Variants in NIM1K observed in about 807,000 individuals in gnomAD.
The protein encoded by NIM1K is serine/threonine-protein kinase NIM1.
NIM1K carries 35 observed loss-of-function variants against 37.1 expected under a neutral mutation model. The observed-to-expected ratio is 0.94, with a 90% confidence interval of 0.72 to 1.25. The LOEUF is 1.25. Ranked by LOEUF, NIM1K falls within the 50% of genes most tolerant of loss-of-function variation. NIM1K has a pLI of 0.00. For missense variants in NIM1K, 564 were observed against 548.0 expected, an observed-to-expected ratio of 1.03 and a Z score of -0.29; for synonymous variants, 234 against 206.6, an observed-to-expected ratio of 1.13 and a Z score of -1.14.
chr5:43,244,077 T>C (rs560387659), intron 1 of NIM1K, among the ~76,000 whole-genome samples: 27 of 152,302 alleles, frequency 1.8e-4, no homozygotes, highest in African/African-American at 6.3e-4. Context: ...TTATTTATGT[T>C]TATTTGGCAA....
At chr5:43,269,353 C>T (rs1003557859) in intron 2 of NIM1K, among the ~76,000 whole-genome samples, 1 of 149,254 alleles carries the variant, frequency 6.7e-6, no homozygotes, top group Non-Finnish European at 1.5e-5. Flanking sequence ...TCCTGCTAGC[C>T]TTTGGTTTCC....
At chr5:43,231,536 A>AT (rs35657441) in intron 1 of NIM1K, among the ~76,000 whole-genome samples, 57,199 of 151,912 alleles carry the variant, frequency 0.38, 11,460 homozygotes, top group Non-Finnish European at 0.43. Flanking sequence ...ATATATGAAG[A>AT]TTTTTTAAAA....
At chr5:43,206,370 C>T (rs981695398) in intron 1 of NIM1K, among the ~76,000 whole-genome samples, 4 of 140,126 alleles carry the variant, frequency 2.9e-5, no homozygotes, top group Admixed American at 7.3e-5. Context: ...AGGGGTGGTG[C>T]GTTCCTGTAG....
chr5:43,217,424 G>A (rs1752315449), intron 1 of NIM1K, among the ~76,000 whole-genome samples: 1 of 142,782 alleles, frequency 7.0e-6, no homozygotes. Context: ...TAAAGCTGCT[G>A]TGAGCACTCA....
intron 2 of NIM1K, among the ~76,000 whole-genome samples, chr5:43,265,987 C>A (rs111740958): frequency 0.032 from 4,885 of 152,262 alleles, 292 homozygotes; most frequent in African/African-American, 0.11. Flanking sequence ...CCTCTGGAAG[C>A]TTCATCTCAG....
At chr5:43,196,416 C>G (rs1168174349) in intron 1 of NIM1K, among the ~76,000 whole-genome samples, 1 of 151,446 alleles carries the variant, frequency 6.6e-6, no homozygotes, top group Non-Finnish European at 1.5e-5. Flanking sequence ...ATCATGAGGT[C>G]AGGAGATCGA....
Position 43,280,450 on chromosome 5 carries a change from G to A in NIM1K, c.1032G>A (p.Leu344=). 1 of 1,614,134 alleles carries A rather than the reference G, an allele frequency of 6.2e-7. No individual in the cohort carries two copies. Among genetic ancestry groups the A allele is most frequent in the Admixed American group, 1.7e-5 (1 of 60,024 alleles). Residue 344 remains leucine (L), a synonymous_variant, in exon 4 of 4, where the codon TTG becomes TTA. Transcript: ENST00000326035. The part of the protein sequence containing the change: ...LEPFQLDPKH[L]SETSTLKEEE... ...CTTTCCAACTGGATCCCAAACATTT[G>A]TCGGAAACCAGCACTCTCAAGGAAG...
At chr5:43,249,499 A>G (rs1355955453) in intron 2 of NIM1K, among the ~76,000 whole-genome samples, 1 of 152,248 alleles carries the variant, frequency 6.6e-6, no homozygotes, top group East Asian at 1.9e-4. Flanking sequence ...ATAAACCATC[A>G]GAGTTGGTAA....
At chr5:43,271,361 A>C (rs1249861547) in intron 2 of NIM1K, among the ~76,000 whole-genome samples, 1 of 151,668 alleles carries the variant, frequency 6.6e-6, no homozygotes, top group African/African-American at 2.4e-5. Context: ...GCCCAAGATG[A>C]TTCACTGGGA....
At chr5:43,233,567 C>T (rs1752573348) in intron 1 of NIM1K, among the ~76,000 whole-genome samples, 1 of 152,226 alleles carries the variant, frequency 6.6e-6, no homozygotes. Flanking sequence ...GCCTTGCGGC[C>T]TGTTACCCTG....
chr5:43,229,246 G>C (rs1041407637), intron 1 of NIM1K, among the ~76,000 whole-genome samples: 2 of 151,944 alleles, frequency 1.3e-5, no homozygotes, highest in South Asian at 4.1e-4. Context: ...TTAGCCGGGC[G>C]TGGTGGCAGG....
At chr5:43,213,202 TTTC>T (rs1752236237) in intron 1 of NIM1K, among the ~76,000 whole-genome samples, 3 of 51,558 alleles carry the variant, frequency 5.8e-5, no homozygotes, top group African/African-American at 6.9e-5. Context: ...TCTTTCTTTC[TTTC>T]TTTCTTTCTT....
rs552247913 is a variant in NIM1K, at chr5:43,262,925, G to A, written c.293-14132G>A. ...TGATGGATTACGTTTATTGATTTGC[G>A]TATGTTGAATGAGCCTTGCACCCTA... On this transcript the variant is annotated intron_variant, in intron 2 of 3. Coordinates refer to ENST00000326035, the MANE Select transcript of NIM1K (RefSeq NM_153361.4). Among the ~76,000 whole-genome samples the A allele has an allele frequency of 1.3e-3, 197 of 152,196 alleles. 2 individuals carry two copies. The highest frequency in any genetic ancestry group is 3.6e-3 in the African/African-American group (151 of 41,526).
chr5:43,253,062 T>C (rs1462974795), intron 2 of NIM1K, among the ~76,000 whole-genome samples: 1 of 149,204 alleles, frequency 6.7e-6, no homozygotes, highest in Non-Finnish European at 1.5e-5. Flanking sequence ...ACTGCTGCCT[T>C]GGACTCCTGG....
chr5:43,210,104 A>G (rs538578682), intron 1 of NIM1K, among the ~76,000 whole-genome samples: 31 of 152,134 alleles, frequency 2.0e-4, no homozygotes, highest in African/African-American at 7.2e-4. Flanking sequence ...GATGTTGGAA[A>G]TACCAGAGGA....
At chr5:43,233,235 A>G (rs1471554136) in intron 1 of NIM1K, 1 of 785,236 alleles carries the variant, frequency 1.3e-6, no homozygotes, top group Non-Finnish European at 2.1e-6. Flanking sequence ...TGCTTCTTAC[A>G]GTGCGACTCT....
chr5:43,207,385 G>T, intron 1 of NIM1K: 1 of 844,432 alleles, frequency 1.2e-6, no homozygotes, highest in South Asian at 1.3e-5. Flanking sequence ...AGAAATATAT[G>T]CGAAAAACGT....
At chr5:43,193,445 T>G in intron 1 of NIM1K, 1 of 149,396 alleles carries the variant, frequency 6.7e-6, no homozygotes, top group Non-Finnish European at 1.5e-5. Flanking sequence ...GAGGGCTCTC[T>G]GTCTACCCCC....
chr5:43,214,821 A>AC lies in NIM1K; in HGVS notation c.-695+22410_-695+22411insC, dbSNP rs1291633196. Among the ~76,000 whole-genome samples the AC allele has an allele frequency of 8.9e-5, 13 of 146,190 alleles. No homozygotes were observed. The East Asian group carries it at 1.8e-3, about 20-fold the overall frequency. On this transcript the variant is annotated intron_variant, in intron 1 of 3. Coordinates refer to ENST00000326035, the MANE Select transcript of NIM1K (RefSeq NM_153361.4). ...AGAGCAAGACTCCGTCTCAAAAAAA[A>AC]AAAAAAAAAACAAAAAAGAAAAAAG...
Sources: gnomAD v4.1 joint callset for allele counts (sites outside exome capture counted in the v4.1 genomes callset) on GRCh38, gnomAD v4.1.1 for gene constraint, MANE v1.5 for transcripts, NCBI Gene and HGNC (gene_info 2026-07-23, HGNC 2026-07-21) for gene names.